The following ROBO1 variants were observed in gnomAD, a reference collection of about 807,000 sequenced individuals.
ROBO1 encodes roundabout guidance receptor 1, also known as roundabout homolog 1.
ROBO1 carries 149 observed loss-of-function variants against 195.9 expected under a neutral mutation model. That is an observed-to-expected ratio of 0.76 (90% CI 0.67 to 0.87). The LOEUF (loss-of-function observed/expected upper bound fraction) is 0.87, where lower values mean the gene tolerates loss of function less well. Ranked by LOEUF, ROBO1 falls within the 40% of genes least tolerant of loss-of-function variation. The pLI, the probability that ROBO1 is intolerant of heterozygous loss-of-function variation, is 0.00. For missense variants in ROBO1, 1,933 were observed against 2,068.3 expected, an observed-to-expected ratio of 0.93 and a Z score of 1.27; for synonymous variants, 816 against 733.2, an observed-to-expected ratio of 1.11 and a Z score of -1.82.
intron 2 of ROBO1, among the ~76,000 whole-genome samples, chr3:79,377,070 G>A (rs545314385): frequency 1.2e-3 from 183 of 151,794 alleles, no homozygotes; most frequent in African/African-American, 4.1e-3. Context: ...TGAACCAGCC[G>A]AAGAAGGCAA....
intron 4 of ROBO1, among the ~76,000 whole-genome samples, chr3:78,754,181 T>C (rs1382721699): frequency 6.6e-6 from 1 of 152,188 alleles, no homozygotes; most frequent in Non-Finnish European, 1.5e-5. Flanking sequence ...GCCATTTATA[T>C]GGTGCATTAC....
At chr3:79,379,838 T>C (rs997733284) in intron 2 of ROBO1, among the ~76,000 whole-genome samples, 1 of 152,190 alleles carries the variant, frequency 6.6e-6, no homozygotes, top group Non-Finnish European at 1.5e-5. Context: ...TTGAGCCCCA[T>C]TGCAGACACA....
At chr3:79,279,858 T>C (rs1244316721) in intron 2 of ROBO1, among the ~76,000 whole-genome samples, 1 of 151,584 alleles carries the variant, frequency 6.6e-6, no homozygotes, top group African/African-American at 2.4e-5. Flanking sequence ...CAACAAATGA[T>C]GAATGAATAA....
intron 2 of ROBO1, among the ~76,000 whole-genome samples, chr3:79,461,933 C>T (rs1313931905): frequency 1.3e-5 from 2 of 151,876 alleles, no homozygotes; most frequent in African/African-American, 2.4e-5. Flanking sequence ...CCAAACTAAG[C>T]AAAAAATGTT....
chr3:79,224,192 CA>C (rs2082187705), intron 2 of ROBO1, among the ~76,000 whole-genome samples: 2 of 152,054 alleles, frequency 1.3e-5, no homozygotes, highest in African/African-American at 2.4e-5. Flanking sequence ...ACTAACAAAA[CA>C]AAGCAAAAAT....
chr3:79,025,794 A>T (rs1208515861), intron 3 of ROBO1, among the ~76,000 whole-genome samples: 2 of 152,140 alleles, frequency 1.3e-5, no homozygotes, highest in Non-Finnish European at 2.9e-5. Flanking sequence ...AAAGTATATA[A>T]CATTCACAAG....
At chr3:79,412,881 T>G (rs2037836655) in intron 2 of ROBO1, among the ~76,000 whole-genome samples, 1 of 56,122 alleles carries the variant, frequency 1.8e-5, no homozygotes, top group African/African-American at 4.6e-5. Context: ...CTGATTTTTT[T>G]TTTTTTTTTT....
At chr3:78,657,516 G>A (rs1480025581) in intron 17 of ROBO1, among the ~76,000 whole-genome samples, 1 of 152,126 alleles carries the variant, frequency 6.6e-6, no homozygotes, top group East Asian at 1.9e-4. Flanking sequence ...GTTCTATCAG[G>A]TAAGTCTACA....
At chr3:79,168,788 C>G (rs949298762) in intron 2 of ROBO1, among the ~76,000 whole-genome samples, 1 of 152,054 alleles carries the variant, frequency 6.6e-6, no homozygotes, top group Non-Finnish European at 1.5e-5. Context: ...GGGTTCCGGT[C>G]CTCAGAGGAG....
At chr3:79,121,461 T>C (rs2080114823) in intron 3 of ROBO1, among the ~76,000 whole-genome samples, 1 of 152,078 alleles carries the variant, frequency 6.6e-6, no homozygotes, top group Non-Finnish European at 1.5e-5. Context: ...AATAAGAGAA[T>C]ATATTTTGTT....
At chr3:79,465,655 C>T (rs937778552) in intron 2 of ROBO1, among the ~76,000 whole-genome samples, 6 of 152,038 alleles carry the variant, frequency 3.9e-5, no homozygotes, top group African/African-American at 7.2e-5. Flanking sequence ...ACCCTGACTG[C>T]TTCTAAAATA....
intron 1 of ROBO1, among the ~76,000 whole-genome samples, chr3:79,620,798 A>G (rs1243812167): frequency 6.6e-6 from 1 of 151,898 alleles, no homozygotes; most frequent in Admixed American, 6.6e-5. Context: ...CAACACCAAT[A>G]TCCCATTCCA....
chr3:78,973,246 TTA>T (rs1164069813), intron 3 of ROBO1, among the ~76,000 whole-genome samples: 1 of 151,872 alleles, frequency 6.6e-6, no homozygotes, highest in Non-Finnish European at 1.5e-5. Context: ...GCTAGAAATT[TTA>T]TGTTATCACT....
At chr3:79,404,294 T>A (rs956079195) in intron 2 of ROBO1, among the ~76,000 whole-genome samples, 3 of 152,112 alleles carry the variant, frequency 2.0e-5, no homozygotes, top group Non-Finnish European at 2.9e-5. Context: ...TACTTTTCCT[T>A]CATCTGCTGC....
intron 4 of ROBO1, 116 bp downstream of exon 4, chr3:78,938,485 G>A: frequency 5.0e-6 from 4 of 794,664 alleles, no homozygotes; most frequent in East Asian, 2.7e-5. Flanking sequence ...TACAAAGCTA[G>A]AGTTTATCCT....
chr3:79,347,952 C>G (rs78200050), intron 2 of ROBO1, among the ~76,000 whole-genome samples: 12,943 of 151,960 alleles, frequency 0.085, 1,064 homozygotes, highest in African/African-American at 0.22. Flanking sequence ...TGGCTCATGC[C>G]TGTAATCCCA....
rs115396670 is a variant in ROBO1, at chr3:79,732,658, G to A, written c.-51+35094C>T. Among the ~76,000 whole-genome samples the A allele has an allele frequency of 5.4e-3, 824 of 152,094 alleles. 6 individuals carry two copies. The highest frequency in any genetic ancestry group is 0.011 in the Admixed American group (163 of 15,274). On this transcript the variant is annotated intron_variant, in intron 1 of 30. Transcript: ENST00000464233. ...AAACTTCCTTTACTCAAAATTCACCGGGCACTTTTGGCACCCTGTCTTATT... is the reference window on the plus strand; with the variant it reads ...AAACTTCCTTTACTCAAAATTCACCAGGCACTTTTGGCACCCTGTCTTATT...
chr3:79,621,358 A>G (rs1468785733), intron 1 of ROBO1, among the ~76,000 whole-genome samples: 1 of 152,162 alleles, frequency 6.6e-6, no homozygotes, highest in African/African-American at 2.4e-5. Flanking sequence ...TTTCGGACTC[A>G]GTCTGCCTGC....
At chr3:79,525,222 T>C (rs1487673184) in intron 2 of ROBO1, among the ~76,000 whole-genome samples, 1 of 151,002 alleles carries the variant, frequency 6.6e-6, no homozygotes, top group Non-Finnish European at 1.5e-5. Flanking sequence ...AATAAGGTTA[T>C]GGTTAATTTT....
Sources: gnomAD v4.1 joint callset for allele counts (sites outside exome capture counted in the v4.1 genomes callset) on GRCh38, gnomAD v4.1.1 for gene constraint, MANE v1.5 for transcripts, NCBI Gene and HGNC (gene_info 2026-07-23, HGNC 2026-07-21) for gene names.